Variants in RAD51B observed in about 807,000 individuals in gnomAD.
RAD51B encodes the protein DNA repair protein RAD51 homolog 2.
A neutral mutation model predicts 42.2 loss-of-function variants in RAD51B; 38 were observed. The ratio of observed to expected loss-of-function variants is 0.90; its 90% CI spans 0.70 to 1.18. The LOEUF (loss-of-function observed/expected upper bound fraction) is 1.18, where lower values mean the gene tolerates loss of function less well. Ranked by LOEUF, RAD51B falls within the 50% of genes most tolerant of loss-of-function variation. RAD51B has a pLI of 0.00. For synonymous variants in RAD51B, 154 were observed against 145.2 expected, an observed-to-expected ratio of 1.06 and a Z score of -0.43; for missense variants, 373 against 400.7, an observed-to-expected ratio of 0.93 and a Z score of 0.59.
chr14:68,547,281 T>C (rs1404010901), intron 10 of RAD51B, among the ~76,000 whole-genome samples: 2 of 152,222 alleles, frequency 1.3e-5, no homozygotes, highest in Non-Finnish European at 2.9e-5. Context: ...ATTAACCTCC[T>C]TTCTCAGCAT....
At chr14:68,326,038 C>CTTTTTTTTTTTTT (rs763428544) in intron 8 of RAD51B, among the ~76,000 whole-genome samples, 3 of 80,466 alleles carry the variant, frequency 3.7e-5, no homozygotes, top group African/African-American at 1.1e-4. Flanking sequence ...TTTTTCTTTT[C>CTTTTTTTTTTTTT]TTTTTTTTTT....
chr14:68,489,204 G>A (rs575783974), intron 10 of RAD51B, among the ~76,000 whole-genome samples: 1 of 151,760 alleles, frequency 6.6e-6, no homozygotes, highest in Admixed American at 6.6e-5. Context: ...GAATGCTCTT[G>A]TAGTCCGAAT....
intron 7 of RAD51B, among the ~76,000 whole-genome samples, chr14:68,041,092 G>A (rs2076210038): frequency 6.6e-6 from 1 of 152,160 alleles, no homozygotes; most frequent in South Asian, 2.1e-4. Context: ...TGCTGTTCTT[G>A]TGATAGTGAG....
intron 10 of RAD51B, among the ~76,000 whole-genome samples, chr14:68,534,161 A>G (rs1887477454): frequency 6.6e-6 from 1 of 152,334 alleles, no homozygotes; most frequent in South Asian, 2.1e-4. Flanking sequence ...GCGTATAACA[A>G]TTGAAATCTA....
chr14:68,669,466 T>G (rs1417173989), intron 11 of RAD51B, among the ~76,000 whole-genome samples: 1 of 152,190 alleles, frequency 6.6e-6, no homozygotes, highest in East Asian at 1.9e-4. Context: ...CAGGGACTTT[T>G]GGATGAGAAA....
intron 7 of RAD51B, among the ~76,000 whole-genome samples, chr14:68,148,245 G>A (rs558929699): frequency 1.0e-3 from 155 of 152,084 alleles, no homozygotes; most frequent in Non-Finnish European, 1.9e-3. Flanking sequence ...GATATTTTGG[G>A]TTCTTTCTAG....
intron 4 of RAD51B, among the ~76,000 whole-genome samples, chr14:67,848,715 A>G (rs2041706350): frequency 6.6e-6 from 1 of 152,180 alleles, no homozygotes; most frequent in Non-Finnish European, 1.5e-5. Context: ...TTGTGGTAGC[A>G]GGTGTCGTTC....
intron 2 of RAD51B, among the ~76,000 whole-genome samples, chr14:67,825,258 A>G (rs1352875936): frequency 6.6e-6 from 1 of 152,170 alleles, no homozygotes; most frequent in Non-Finnish European, 1.5e-5. Flanking sequence ...CCAACTAAAC[A>G]GGATAATTAG....
chr14:68,510,399 C>T (rs1885646187), intron 10 of RAD51B, among the ~76,000 whole-genome samples: 1 of 152,048 alleles, frequency 6.6e-6, no homozygotes. Context: ...GGGGAGTGGC[C>T]ATGTGGTTTT....
At chr14:68,609,190 C>G (rs1194113110) in intron 10 of RAD51B, among the ~76,000 whole-genome samples, 2 of 152,336 alleles carry the variant, frequency 1.3e-5, no homozygotes, top group South Asian at 4.1e-4. Context: ...CAGGCCTGCC[C>G]CGAGGGCCCC....
At chr14:68,215,498 T>C (rs2079795673) in intron 7 of RAD51B, among the ~76,000 whole-genome samples, 1 of 152,228 alleles carries the variant, frequency 6.6e-6, no homozygotes, top group Non-Finnish European at 1.5e-5. Context: ...ATTTAATCCT[T>C]ATAATAGTTC....
At chr14:68,243,125 C>A (rs2080427208) in intron 7 of RAD51B, among the ~76,000 whole-genome samples, 1 of 152,174 alleles carries the variant, frequency 6.6e-6, no homozygotes, top group Non-Finnish European at 1.5e-5. Context: ...TAATTTACAT[C>A]TAAAACCTGG....
intron 8 of RAD51B, among the ~76,000 whole-genome samples, chr14:68,341,873 G>A (rs1056231867): frequency 9.9e-5 from 15 of 152,110 alleles, no homozygotes; most frequent in Non-Finnish European, 1.9e-4. Context: ...GGGGTGGAAA[G>A]AATATATGTC....
intron 7 of RAD51B, among the ~76,000 whole-genome samples, chr14:68,248,611 C>T (rs556426365): frequency 1.3e-5 from 2 of 152,212 alleles, no homozygotes; most frequent in South Asian, 4.1e-4. Flanking sequence ...AGCACCACAT[C>T]CTTTGTTTCT....
chr14:68,517,295 A>G (rs1456038711), intron 10 of RAD51B, among the ~76,000 whole-genome samples: 1 of 152,092 alleles, frequency 6.6e-6, no homozygotes, highest in Non-Finnish European at 1.5e-5. Flanking sequence ...GAGGAGAGAA[A>G]AAGTACCTTT....
Position 68,500,466 on chromosome 14 carries a change from G to A in RAD51B, c.1036+32216G>A, listed in dbSNP as rs146202380. Among the ~76,000 whole-genome samples the A allele has an allele frequency of 2.6e-3, 394 of 152,302 alleles. 6 individuals are homozygous for A. The highest frequency in any genetic ancestry group is 0.019 in the Admixed American group (289 of 15,294). On this transcript the variant is annotated intron_variant, in intron 10 of 10. Coordinates refer to the RAD51B transcript ENST00000487270. Reference sequence around the variant, plus strand: ...AGGCTCAAGACCCACAGAGATGGTCGGGCCAGCAGCCCGTAGCACCCAGCT... The same window carrying A: ...AGGCTCAAGACCCACAGAGATGGTCAGGCCAGCAGCCCGTAGCACCCAGCT...
At chr14:68,445,721 G>A (rs2085404796) in intron 9 of RAD51B, among the ~76,000 whole-genome samples, 1 of 152,148 alleles carries the variant, frequency 6.6e-6, no homozygotes, top group South Asian at 2.1e-4. Context: ...ACCTCAAACT[G>A]TAACTGGGTC....
chr14:68,287,078 C>G (rs537116575), intron 7 of RAD51B, among the ~76,000 whole-genome samples: 1 of 152,256 alleles, frequency 6.6e-6, no homozygotes, highest in African/African-American at 2.4e-5. Flanking sequence ...CAGCCTTCTG[C>G]CTTAGCAGTT....
At chr14:68,587,900 G>T (rs1321980593) in intron 10 of RAD51B, among the ~76,000 whole-genome samples, 1 of 152,224 alleles carries the variant, frequency 6.6e-6, no homozygotes, top group Non-Finnish European at 1.5e-5. Flanking sequence ...AGCCCAGATG[G>T]CAGACATGGT....
Sources: allele counts gnomAD v4.1 joint callset (sites outside exome capture counted in the v4.1 genomes callset), GRCh38; gene constraint gnomAD v4.1.1; transcripts MANE v1.5; gene names NCBI Gene and HGNC (gene_info 2026-07-23, HGNC 2026-07-21).